Variants in NLK observed in about 807,000 individuals in gnomAD.
The protein encoded by NLK is nemo like kinase, also known as serine/threonine-protein kinase NLK.
Under a neutral mutation model 59.0 loss-of-function variants are expected in NLK, and 11 were observed. The ratio of observed to expected loss-of-function variants is 0.19; its 90% confidence interval spans 0.12 to 0.31. NLK has a LOEUF of 0.31. NLK is among the 10% of genes least tolerant of loss of function. NLK has a pLI of 1.00. For missense variants in NLK, 410 were observed against 661.1 expected, an observed-to-expected ratio of 0.62 and a Z score of 4.16; for synonymous variants, 235 against 235.9, an observed-to-expected ratio of 1.00 and a Z score of 0.03.
chr17:28,119,337 G>T (rs1597692236), intron 1 of NLK, among the ~76,000 whole-genome samples: 1 of 152,114 alleles, frequency 6.6e-6, no homozygotes, highest in South Asian at 2.1e-4. Flanking sequence ...ACTGGCTTTT[G>T]CATGAATAAT....
intron 5 of NLK, among the ~76,000 whole-genome samples, chr17:28,164,663 G>C (rs1294881547): frequency 6.6e-6 from 1 of 152,140 alleles, no homozygotes; most frequent in African/African-American, 2.4e-5. Context: ...CTCTTGAATA[G>C]AGAGAGGTCC....
chr17:28,073,720 G>C (rs1282971963), intron 1 of NLK, among the ~76,000 whole-genome samples: 4 of 152,094 alleles, frequency 2.6e-5, no homozygotes, highest in Non-Finnish European at 5.9e-5. Flanking sequence ...ACTCACTTCA[G>C]ATGTTCTTCT....
intron 7 of NLK, among the ~76,000 whole-genome samples, chr17:28,181,935 A>G (rs556889203): frequency 2.0e-5 from 3 of 152,136 alleles, no homozygotes; most frequent in African/African-American, 7.2e-5. Context: ...GCTTGAGCCT[A>G]GTAGGTGGAG....
intron 1 of NLK, among the ~76,000 whole-genome samples, chr17:28,053,401 G>C (rs1487658133): frequency 6.6e-6 from 1 of 152,130 alleles, no homozygotes. Context: ...AGCTTTGTTT[G>C]CCTAAAGTAG....
At chr17:28,052,981 G>A (rs1477468086) in intron 1 of NLK, among the ~76,000 whole-genome samples, 1 of 138,676 alleles carries the variant, frequency 7.2e-6, no homozygotes, top group Non-Finnish European at 1.5e-5. Context: ...TCACTTTGTT[G>A]CCCAGGCTAG....
At chr17:28,083,206 C>T (rs574516449) in intron 1 of NLK, among the ~76,000 whole-genome samples, 2 of 152,248 alleles carry the variant, frequency 1.3e-5, no homozygotes, top group Non-Finnish European at 2.9e-5. Flanking sequence ...TTCTGGGTAT[C>T]AGGATGGGTG....
At position 28,042,923 on chromosome 17, in the gene NLK, A is replaced by G. The variant is rs1908905806; in HGVS notation, c.50A>G (p.Asn17Ser). The G allele has an allele frequency of 1.9e-6, 3 of 1,541,970 alleles. No individual in the cohort carries two copies. The highest frequency in any genetic ancestry group is 2.0e-5 in the Admixed American group (1 of 49,470). Residue 17 changes from asparagine to serine, a missense_variant, in exon 1 of 11, where the codon AAT (asparagine) becomes AGT (serine). Coordinates refer to ENST00000407008, the MANE Select transcript of NLK (RefSeq NM_016231.5). ...RANAKMMAAY[N>S]GGTSAAAAGH... is the part of the protein sequence containing the mutation. ...AACGCAAAAATGATGGCGGCTTACAATGGCGGTACATCTGCAGCAGCAGCA... is the reference window on the plus strand; with the variant it reads ...AACGCAAAAATGATGGCGGCTTACAGTGGCGGTACATCTGCAGCAGCAGCA...
chr17:28,046,468 A>G (rs1909054604), intron 1 of NLK, among the ~76,000 whole-genome samples: 1 of 152,236 alleles, frequency 6.6e-6, no homozygotes, highest in African/African-American at 2.4e-5. Context: ...TTTATGGGTT[A>G]TCAAGATATC....
intron 10 of NLK, among the ~76,000 whole-genome samples, chr17:28,192,524 C>G (rs1909342632): frequency 6.6e-6 from 1 of 152,008 alleles, no homozygotes; most frequent in South Asian, 2.1e-4. Context: ...CAAAATTAGC[C>G]AGGCATGGTG....
chr17:28,071,705 T>A (rs1910012395), intron 1 of NLK, among the ~76,000 whole-genome samples: 1 of 152,214 alleles, frequency 6.6e-6, no homozygotes, highest in African/African-American at 2.4e-5. Flanking sequence ...TTGAGGGCGA[T>A]CCCTCTCAGC....
chr17:28,083,231 A>C (rs1452972767), intron 1 of NLK, among the ~76,000 whole-genome samples: 1 of 152,200 alleles, frequency 6.6e-6, no homozygotes, highest in Non-Finnish European at 1.5e-5. Flanking sequence ...TCCCTTTTGT[A>C]TCTGTGACAG....
At chr17:28,151,935 G>A (rs980658635) in intron 3 of NLK, among the ~76,000 whole-genome samples, 4 of 152,212 alleles carry the variant, frequency 2.6e-5, no homozygotes, top group African/African-American at 7.2e-5. Flanking sequence ...TGTGGTCTTA[G>A]TATGAAGGAA....
intron 3 of NLK, among the ~76,000 whole-genome samples, chr17:28,159,833 G>C (rs762898446): frequency 3.3e-5 from 5 of 152,174 alleles, no homozygotes; most frequent in Non-Finnish European, 7.3e-5. Flanking sequence ...GGCCAGAGTA[G>C]TAACAGTGGA....
chr17:28,116,071 A>G (rs1905755817), intron 1 of NLK, among the ~76,000 whole-genome samples: 1 of 152,202 alleles, frequency 6.6e-6, no homozygotes, highest in South Asian at 2.1e-4. Context: ...TATACTTATA[A>G]GTATGCATCT....
intron 3 of NLK, among the ~76,000 whole-genome samples, chr17:28,150,192 T>G (rs1414715281): frequency 6.6e-6 from 1 of 152,196 alleles, no homozygotes; most frequent in African/African-American, 2.4e-5. Flanking sequence ...GAGGATTAAA[T>G]GAGATCATAT....
intron 1 of NLK, among the ~76,000 whole-genome samples, chr17:28,073,214 C>T (rs1395470937): frequency 2.0e-5 from 3 of 151,970 alleles, no homozygotes; most frequent in African/African-American, 4.8e-5. Flanking sequence ...CAATAAAGAC[C>T]CTTATTCTCA....
intron 1 of NLK, among the ~76,000 whole-genome samples, chr17:28,075,999 A>G (rs1241889388): frequency 6.6e-6 from 1 of 152,174 alleles, no homozygotes; most frequent in Non-Finnish European, 1.5e-5. Context: ...TGAAAAGCCC[A>G]GTTTTGTTGT....
chr17:28,135,518 A>G (rs985582243), intron 3 of NLK, among the ~76,000 whole-genome samples: 15 of 152,224 alleles, frequency 9.9e-5, no homozygotes, highest in African/African-American at 3.4e-4. Flanking sequence ...CCCCAGGTAT[A>G]CTAAGATACT....
chr17:28,066,553 A>G (rs1325543392), intron 1 of NLK, among the ~76,000 whole-genome samples: 1 of 152,202 alleles, frequency 6.6e-6, no homozygotes, highest in Non-Finnish European at 1.5e-5. Context: ...GTTTTTGGTT[A>G]TTACAAATAA....
Sources: gnomAD v4.1 joint callset for allele counts (sites outside exome capture counted in the v4.1 genomes callset) on GRCh38, gnomAD v4.1.1 for gene constraint, MANE v1.5 for transcripts, NCBI Gene and HGNC (gene_info 2026-07-23, HGNC 2026-07-21) for gene names.